TOMM40: variants seen among roughly 807,000 people sequenced by gnomAD.
The protein encoded by TOMM40 is translocase of outer mitochondrial membrane 40.
TOMM40 carries 9 observed loss-of-function variants against 38.4 expected under a neutral mutation model. That is an observed-to-expected ratio of 0.23 (90% confidence interval 0.14 to 0.41). The LOEUF (loss-of-function observed/expected upper bound fraction) is 0.41, where lower values mean the gene tolerates loss of function less well. TOMM40 is among the 10% of genes least tolerant of loss of function. TOMM40 has a pLI of 1.00. For synonymous variants in TOMM40, 184 were observed against 210.0 expected (o/e 0.88, Z 1.07); for missense variants, 299 against 486.5 (o/e 0.61, Z 3.63).
Position 44,891,636 on chromosome 19 carries a change from G to A in TOMM40, c.221G>A (p.Cys74Tyr). Reference sequence around the variant, plus strand: ...TCAGGGGCCGCCGAGGATGGGGCCTGCGGCTGCCTGCCCAACCCGGGCACA... The same window carrying A: ...TCAGGGGCCGCCGAGGATGGGGCCTACGGCTGCCTGCCCAACCCGGGCACA... ...SASGAAEDGA[C>Y]GCLPNPGTFE... Residue 74 changes from cysteine (C) to tyrosine (Y), a missense_variant, in exon 1 of 9, where the codon TGC becomes TAC. By Grantham distance (194) the Cys-to-Tyr change is radical. Coordinates refer to ENST00000426677, the MANE Select transcript of TOMM40 (RefSeq NM_001128917.2). The A allele has an allele frequency of 2.0e-6, 3 of 1,483,064 alleles. No individual in the cohort carries two copies. The highest frequency in any genetic ancestry group is 2.7e-6 in the Non-Finnish European group (3 of 1,121,598). The allele number at this position is 1,483,064 out of a possible 1,614,324, so 91.9% of individuals were successfully genotyped here.
intron 3 of TOMM40, 145 bp downstream of exon 3, chr19:44,893,074 G>T (rs1035544320): frequency 3.0e-6 from 2 of 655,824 alleles, no homozygotes; most frequent in Non-Finnish European, 5.3e-6. Flanking sequence ...GGTGCACTGG[G>T]ACACAAATAA....
In TOMM40 at chr19:44,892,911, G is replaced by A; in HGVS notation, c.417G>A (p.Lys139=). The change falls in exon 3 of 9, where the codon AAG becomes AAA. Residue 139 remains lysine (K), a synonymous_variant. Coordinates refer to ENST00000426677, the MANE Select transcript of TOMM40 (RefSeq NM_001128917.2). Reference sequence around the variant, plus strand: ...TCGGGGTCACATATGTGGGGACAAAGCAGCTGAGTCCCACAGAGGTGAGCT... The same window carrying A: ...TCGGGGTCACATATGTGGGGACAAAACAGCTGAGTCCCACAGAGGTGAGCT... ...YHFGVTYVGT[K]QLSPTEAFPV... is the part of the protein sequence containing the mutation. The A allele has an allele frequency of 6.2e-7, 1 of 1,613,836 alleles. No individual in the cohort carries two copies. Among genetic ancestry groups the A allele is most frequent in the South Asian group, 1.1e-5 (1 of 91,054 alleles).
At position 44,901,064 on chromosome 19, in the gene TOMM40, C is replaced by T. The variant is rs1249712732; in HGVS notation, c.803C>T (p.Ala268Val). 8 of 1,614,120 alleles carry T rather than the reference C, an allele frequency of 5.0e-6. No homozygotes were observed. Among genetic ancestry groups the T allele is most frequent in the African/African-American group, 2.7e-5 (2 of 74,940 alleles). The change falls in exon 7 of 9, where the codon GCG becomes GTG. Residue 268 changes from alanine to valine, a missense_variant. Physicochemically the swap from Ala to Val is moderately conservative, Grantham distance 64 (BLOSUM62 0). Coordinates refer to ENST00000426677, the MANE Select transcript of TOMM40 (RefSeq NM_001128917.2). Reference sequence around the variant, plus strand: ...TTGGCAACGGTAACGTTGGGCCAGGCGGGCATGCACGCAACATACTACCAC... The same window carrying T: ...TTGGCAACGGTAACGTTGGGCCAGGTGGGCATGCACGCAACATACTACCAC... ...NWLATVTLGQ[A>V]GMHATYYHKA...
In TOMM40 at chr19:44,894,006, C is replaced by T. The variant is rs760659418; in HGVS notation, c.583C>T (p.Arg195Trp). 8 of 1,547,264 alleles carry T rather than the reference C, an allele frequency of 5.2e-6. No homozygotes were observed. The highest frequency in any genetic ancestry group is 4.1e-5 in the African/African-American group (3 of 73,182). ...FVNWQVDGEY[R>W]GSDFTAAVTL... ...GAACTGGCAGGTGGACGGGGAGTAT[C>T]GGGGCTCTGACTTCACAGCAGCCGT... The change falls in exon 5 of 9, where the codon CGG becomes TGG. Residue 195 changes from arginine to tryptophan, a missense_variant. Physicochemically the swap from Arg to Trp is moderately radical, Grantham distance 101 (BLOSUM62 -3). Coordinates refer to ENST00000426677, the MANE Select transcript of TOMM40 (RefSeq NM_001128917.2).
intron 5 of TOMM40, among the ~76,000 whole-genome samples, chr19:44,899,233 A>G (rs957191543): frequency 6.6e-6 from 1 of 151,836 alleles, no homozygotes; most frequent in Non-Finnish European, 1.5e-5. Flanking sequence ...TGTAACCTTG[A>G]CCTTCTGAGC....
intron 5 of TOMM40, among the ~76,000 whole-genome samples, chr19:44,895,156 G>T (rs544597055): frequency 1.3e-5 from 2 of 152,170 alleles, no homozygotes; most frequent in African/African-American, 4.8e-5. Context: ...TCGTGCAGGC[G>T]GGGAGGGGAG....
chr19:44,903,263 C>CTA lies in TOMM40; in HGVS notation c.*94_*95insTA. 2.3e-6 allele frequency: 3 copies of CTA among 1,317,096 alleles called. No individual in the cohort carries two copies. Among genetic ancestry groups the CTA allele is most frequent in the Non-Finnish European group, 3.1e-6 (3 of 982,434 alleles). 81.6% of individuals were successfully genotyped at this position (1,317,096 alleles called of 1,614,324 possible). A position where few individuals can be genotyped will look rare whatever the true frequency, so the allele number is the denominator to read the frequency against. On this transcript the variant is annotated 3_prime_UTR_variant, in exon 9 of 9. Transcript: ENST00000426677. ...GGGGAGACCTGAGCCCCCCTCCCTT[C>CTA]CCTCCCCCCTTGGGGGTCGGGGGGG...
Position 44,900,820 on chromosome 19 carries a change from G to A in TOMM40, c.734G>A (p.Gly245Asp). The A allele has an allele frequency of 6.2e-7, 1 of 1,614,094 alleles. No homozygotes were observed. The highest frequency in any genetic ancestry group is 8.5e-7 in the Non-Finnish European group (1 of 1,180,024). The change falls in exon 6 of 9, where the codon GGC becomes GAC. Residue 245 changes from glycine to aspartate, a missense_variant. Transcript: ENST00000426677. ...TACCACCGGCGGCCTGGAGAGGAGG[G>A]CACTGTCATGTCTCTAGCTGGGAAA... ...LVYHRRPGEE[G>D]TVMSLAGKYT...
At chr19:44,903,003 G>A (rs190211056) in intron 8 of TOMM40, 27 bp from the exon 9 acceptor site, 99 of 1,602,534 alleles carry the variant, frequency 6.2e-5, no homozygotes, top group Admixed American at 5.0e-4. Context: ...AAGCTGGCAC[G>A]CCTCTCACCT....
chr19:44,900,850 CAT>C lies in TOMM40; in HGVS notation c.765_766del (p.Leu256GlufsTer24), dbSNP rs1969666070. On this transcript the variant is annotated frameshift_variant and splice_region_variant, in exon 6 of 9. Transcript: ENST00000426677. LOFTEE classifies it high-confidence loss of function. ...GTCATGTCTCTAGCTGGGAAATACA[CAT>C]GTGAGCCTGGCGCCTGGGTCCGAGG... 1.2e-6 allele frequency: 2 copies of C among 1,613,910 alleles called. No individual in the cohort carries two copies. The highest frequency in any genetic ancestry group is 1.7e-6 in the Non-Finnish European group (2 of 1,179,886).
At chr19:44,892,315 G>C in intron 1 of TOMM40, 78 bp from the exon 2 acceptor site, 1 of 1,385,814 alleles carries the variant, frequency 7.2e-7, no homozygotes, top group Non-Finnish European at 1.0e-6. Flanking sequence ...TCTGGAGAGA[G>C]CTGGGGGTGG....
In TOMM40 at chr19:44,891,514, G is replaced by C; in HGVS notation, c.99G>C (p.Pro33=). 2.1e-6 allele frequency: 3 copies of C among 1,401,164 alleles called. No homozygotes were observed. Among genetic ancestry groups the C allele is most frequent in the Non-Finnish European group, 1.9e-6 (2 of 1,076,084 alleles). 86.8% of individuals were successfully genotyped at this position (1,401,164 alleles called of 1,614,324 possible). ...TGCCGCCACCTCCGCCCTCGCCGCCGGGCTTCACGCTGCCGCCGCTGGGAG... is the reference window on the plus strand; with the variant it reads ...TGCCGCCACCTCCGCCCTCGCCGCCCGGCTTCACGCTGCCGCCGCTGGGAG... ...VGLPPPPPSP[P]GFTLPPLGGS... The change falls in exon 1 of 9, where the codon CCG becomes CCC. Residue 33 remains proline (P), a synonymous_variant. Transcript: ENST00000426677.
intron 5 of TOMM40, among the ~76,000 whole-genome samples, chr19:44,897,395 G>A (rs577441441): frequency 7.9e-5 from 12 of 152,214 alleles, no homozygotes; most frequent in Non-Finnish European, 1.2e-4. Context: ...TGAATGAGGG[G>A]ATAACACTGA....
intron 5 of TOMM40, among the ~76,000 whole-genome samples, chr19:44,898,521 T>TTC (rs939406855): frequency 2.9e-5 from 4 of 138,574 alleles, no homozygotes; most frequent in African/African-American, 1.1e-4. Flanking sequence ...CTTTTTTTTT[T>TTC]TTTCTTTTTT....
chr19:44,899,485 C>T (rs1479151352), intron 5 of TOMM40, among the ~76,000 whole-genome samples: 1 of 152,054 alleles, frequency 6.6e-6, no homozygotes, highest in Admixed American at 6.6e-5. Context: ...AGGTGTGCAC[C>T]ACCTCACCCA....
At chr19:44,893,447 C>T (rs1233592281) in intron 3 of TOMM40, among the ~76,000 whole-genome samples, 3 of 152,208 alleles carry the variant, frequency 2.0e-5, no homozygotes, top group Non-Finnish European at 4.4e-5. Context: ...CTGTCATTTC[C>T]CTTCAGCAAA....
In TOMM40 at chr19:44,892,397, G is replaced by C. The variant is rs1969482977; in HGVS notation, c.279G>C (p.Leu93=). 2 of 1,613,886 alleles carry C rather than the reference G, an allele frequency of 1.2e-6. No individual in the cohort carries two copies. The highest frequency in any genetic ancestry group is 1.7e-4 in the Middle Eastern group (1 of 5,886). Residue 93 remains leucine (L), a synonymous_variant, in exon 2 of 9, where the codon CTG becomes CTC. Coordinates refer to ENST00000426677, the MANE Select transcript of TOMM40 (RefSeq NM_001128917.2). ...GACAGCGTTTCTCTTCTCCAGAGCTGTTTCCCATTCAGATGGAGGGTGTCA... is the reference window on the plus strand; with the variant it reads ...GACAGCGTTTCTCTTCTCCAGAGCTCTTTCCCATTCAGATGGAGGGTGTCA... The part of the protein sequence containing the change: ...FEECHRKCKE[L]FPIQMEGVKL...
In TOMM40 at chr19:44,892,821, C is replaced by G. The variant is rs773086914; in HGVS notation, c.343-16C>G. The G allele has an allele frequency of 6.2e-7, 1 of 1,602,550 alleles. No homozygotes were observed. Among genetic ancestry groups the G allele is most frequent in the East Asian group, 2.2e-5 (1 of 44,832 alleles). Reference sequence around the variant, plus strand: ...CTATCTGTCCAGTATCGTCACAGCTCTCGCTTTCCTTCCAGGTCAACCACA... The same window carrying G: ...CTATCTGTCCAGTATCGTCACAGCTGTCGCTTTCCTTCCAGGTCAACCACA... On this transcript the variant is annotated splice_polypyrimidine_tract_variant and intron_variant, in intron 2 of 8. Transcript: ENST00000426677.
At chr19:44,891,777 C>T in intron 1 of TOMM40, 88 bp downstream of exon 1, 2 of 1,285,102 alleles carry the variant, frequency 1.6e-6, no homozygotes, top group South Asian at 3.8e-5. Flanking sequence ...ATTTGGCGCG[C>T]ACCATTGGAA....
Sources: gnomAD v4.1 joint callset for allele counts (sites outside exome capture counted in the v4.1 genomes callset) on GRCh38, gnomAD v4.1.1 for gene constraint, MANE v1.5 for transcripts, NCBI Gene and HGNC (gene_info 2026-07-23, HGNC 2026-07-21) for gene names.